VPS37A: variants seen among roughly 807,000 people sequenced by gnomAD.
VPS37A encodes VPS37A subunit of ESCRT-I.
In VPS37A, 30 loss-of-function variants were observed where a neutral mutation model predicts 49.8. The observed-to-expected ratio is 0.60, with a 90% CI of 0.45 to 0.82. The LOEUF is 0.82. VPS37A is among the 40% of genes least tolerant of loss of function. The pLI is 0.00. For missense variants in VPS37A, 593 were observed against 464.4 expected, an observed-to-expected ratio of 1.28 and a Z score of -2.55; for synonymous variants, 195 against 160.6, an observed-to-expected ratio of 1.21 and a Z score of -1.62.
chr8:17,261,691 T>G (rs1812976957), intron 1 of VPS37A, among the ~76,000 whole-genome samples: 1 of 152,220 alleles, frequency 6.6e-6, no homozygotes, highest in South Asian at 2.1e-4. Context: ...CAGGTTTGCC[T>G]TGGCTCTAAT....
At chr8:17,314,574 G>A in the VPS37A span, among the ~76,000 whole-genome samples, 2 of 152,102 alleles carry the variant, frequency 1.3e-5, no homozygotes, top group Non-Finnish European at 2.9e-5. Flanking sequence ...CAAGAATGCA[G>A]ATAAGAGGAT....
chr8:17,272,743 T>C (rs746522622), intron 4 of VPS37A, among the ~76,000 whole-genome samples: 2 of 152,288 alleles, frequency 1.3e-5, no homozygotes, highest in South Asian at 4.1e-4. Context: ...AGATGAGCCA[T>C]CGTTTGAAAT....
chr8:17,311,872 A>T, the VPS37A span: 8 of 556,876 alleles, frequency 1.4e-5, no homozygotes, highest in Non-Finnish European at 2.6e-5. Context: ...GTCACCTCCA[A>T]TAAGCGCATG....
intron 1 of VPS37A, among the ~76,000 whole-genome samples, chr8:17,258,452 A>T (rs1812674538): frequency 6.6e-6 from 1 of 152,126 alleles, no homozygotes; most frequent in Admixed American, 6.5e-5. Flanking sequence ...ATTGATTTGC[A>T]TATATATTGC....
At chr8:17,286,468 C>A (rs759957936) in intron 11 of VPS37A, 41 bp downstream of exon 11, 5 of 1,563,550 alleles carry the variant, frequency 3.2e-6, no homozygotes, top group Non-Finnish European at 4.4e-6. Context: ...GTGATTGCAT[C>A]AGTGTTCTTT....
At chr8:17,323,977 A>G in the VPS37A span, among the ~76,000 whole-genome samples, 18 of 152,294 alleles carry the variant, frequency 1.2e-4, no homozygotes, top group East Asian at 1.9e-3. Context: ...AAAATAAAAC[A>G]TCGCTGAGAG....
chr8:17,285,907 G>GT (rs1563285047), intron 10 of VPS37A, among the ~76,000 whole-genome samples: 1 of 152,136 alleles, frequency 6.6e-6, no homozygotes, highest in Non-Finnish European at 1.5e-5. Flanking sequence ...AAGCAAGAGC[G>GT]TTTTTTTGTT....
At chr8:17,300,582 AGT>A (rs1817046924), downstream of VPS37A, among the ~76,000 whole-genome samples, 1 of 152,230 alleles carries the variant, frequency 6.6e-6, no homozygotes, top group Admixed American at 6.5e-5. Context: ...TCATGAATGA[AGT>A]GTTTATCATC....
the VPS37A span, among the ~76,000 whole-genome samples, chr8:17,307,435 G>A: frequency 1.3e-5 from 2 of 152,168 alleles, no homozygotes; most frequent in African/African-American, 4.8e-5. Flanking sequence ...TACACTGTTG[G>A]TGGGACTGTA....
downstream of VPS37A, chr8:17,299,797 C>G: frequency 6.3e-7 from 1 of 1,581,530 alleles, no homozygotes; most frequent in Non-Finnish European, 8.6e-7. Context: ...AATAAACCAC[C>G]TTGTTCCCTT....
chr8:17,262,466 A>G (rs1813043337), intron 1 of VPS37A, among the ~76,000 whole-genome samples: 1 of 152,212 alleles, frequency 6.6e-6, no homozygotes, highest in Non-Finnish European at 1.5e-5. Flanking sequence ...CCACTGAGGT[A>G]AAACCATAGT....
chr8:17,283,890 G>C (rs1045831522), intron 9 of VPS37A, among the ~76,000 whole-genome samples: 4 of 152,196 alleles, frequency 2.6e-5, no homozygotes, highest in Admixed American at 1.3e-4. Flanking sequence ...GATAGGGATT[G>C]CATTGAGTCT....
chr8:17,311,857 C>G, the VPS37A span: 1 of 594,478 alleles, frequency 1.7e-6, no homozygotes, highest in Non-Finnish European at 2.9e-6. Flanking sequence ...GAAGCCACCA[C>G]TCAAGTCACC....
At chr8:17,291,054 C>T (rs1237891062) in intron 11 of VPS37A, among the ~76,000 whole-genome samples, 3 of 152,132 alleles carry the variant, frequency 2.0e-5, no homozygotes, top group South Asian at 4.1e-4. Context: ...CATTCTGTTG[C>T]CCAGGCTGGA....
chr8:17,295,878 ATT>A lies in VPS37A; in HGVS notation c.*896_*897del, dbSNP rs1816588791. ...AAGCTATAGTAATAAGTAAAATTTA[ATT>A]TTTAGGCAATCCTGATTTTTAATGA... On this transcript the variant is annotated 3_prime_UTR_variant, in exon 12 of 12. Transcript: ENST00000324849. The A allele has an allele frequency of 6.6e-6, 1 of 152,192 alleles. No homozygotes were observed. Among genetic ancestry groups the A allele is most frequent in the African/African-American group, 2.4e-5 (1 of 41,454 alleles). 9.4% of individuals were successfully genotyped at this position (152,192 alleles called of 1,614,324 possible). A position where few individuals can be genotyped will look rare whatever the true frequency, so the allele number is the denominator to read the frequency against.
At chr8:17,301,934 G>C (rs982954671), downstream of VPS37A, 11 of 458,276 alleles carry the variant, frequency 2.4e-5, no homozygotes, top group Non-Finnish European at 3.7e-5. Context: ...CCAAAAATTT[G>C]TGGAACTGAG....
At chr8:17,315,901 T>A in the VPS37A span, among the ~76,000 whole-genome samples, 2 of 152,128 alleles carry the variant, frequency 1.3e-5, no homozygotes, top group African/African-American at 4.8e-5. Context: ...CTGTCCCAGC[T>A]ACTTGGGAGG....
chr8:17,291,989 C>T (rs1188318038), intron 11 of VPS37A, among the ~76,000 whole-genome samples: 2 of 152,010 alleles, frequency 1.3e-5, no homozygotes, highest in Admixed American at 6.5e-5. Context: ...CTATTAGTTC[C>T]GTTTGGTCCA....
At chr8:17,300,164 C>T (rs1302516857), downstream of VPS37A, 5 of 1,613,960 alleles carry the variant, frequency 3.1e-6, no homozygotes, top group South Asian at 5.5e-5. Context: ...TTGCTGGGCT[C>T]ACTTTGCTTA....
Sources: allele counts gnomAD v4.1 joint callset (sites outside exome capture counted in the v4.1 genomes callset), GRCh38; gene constraint gnomAD v4.1.1; transcripts MANE v1.5; gene names NCBI Gene and HGNC (gene_info 2026-07-23, HGNC 2026-07-21).